Variants in GALK2 observed in about 807,000 individuals in gnomAD.
GALK2 encodes N-acetylgalactosamine kinase.
Under a neutral mutation model 52.4 loss-of-function variants are expected in GALK2, and 36 were observed. The observed-to-expected ratio is 0.69, with a 90% confidence interval of 0.53 to 0.91. The LOEUF (loss-of-function observed/expected upper bound fraction) is 0.91. GALK2 is among the 40% of genes least tolerant of loss of function. The probability of loss-of-function intolerance (pLI) is 0.00; values close to 1 mark genes in which losing one functional copy is unlikely to be tolerated. For synonymous variants in GALK2, 176 were observed against 199.1 expected, an observed-to-expected ratio of 0.88 and a Z score of 0.98; for missense variants, 579 against 559.1, an observed-to-expected ratio of 1.04 and a Z score of -0.36.
chr15:49,310,442 G>GT (rs1340871724), intron 8 of GALK2, among the ~76,000 whole-genome samples: 1 of 152,028 alleles, frequency 6.6e-6, no homozygotes, highest in Non-Finnish European at 1.5e-5. Context: ...TCTATTTTTA[G>GT]TTTTTTTAGA....
intron 1 of GALK2, among the ~76,000 whole-genome samples, chr15:49,173,030 C>G (rs1002465384): frequency 1.3e-5 from 2 of 152,194 alleles, no homozygotes; most frequent in Non-Finnish European, 2.9e-5. Flanking sequence ...ACCCAGCCAT[C>G]CCTTAGATTA....
At chr15:49,273,348 C>A (rs965675075) in intron 5 of GALK2, among the ~76,000 whole-genome samples, 1 of 151,820 alleles carries the variant, frequency 6.6e-6, no homozygotes, top group African/African-American at 2.4e-5. Context: ...CCTTTCTTTC[C>A]TGTATTATTT....
rs2030976934 is a variant in GALK2 at position 49,273,034 on chromosome 15, C to T, written c.505-8953C>T. 2.6e-5 allele frequency among the ~76,000 whole-genome samples: 4 copies of T among 152,178 alleles called. 1 individual carries two copies. The South Asian group carries it at 8.3e-4, about 32-fold the overall frequency. ...CCCATGTCCCAACTACTAGCTTTCTCCAGGTTCATTAGATCACGTTCTCTC... is the reference window on the plus strand; with the variant it reads ...CCCATGTCCCAACTACTAGCTTTCTTCAGGTTCATTAGATCACGTTCTCTC... On this transcript the variant is annotated intron_variant, in intron 5 of 9. Transcript: ENST00000560031.
At chr15:49,217,452 C>T (rs1221887764) in intron 3 of GALK2, 139 bp downstream of exon 3, 6 of 815,448 alleles carry the variant, frequency 7.4e-6, no homozygotes, top group Middle Eastern at 2.4e-4. Context: ...AATTCTAAGG[C>T]CATTATTTAT....
intron 6 of GALK2, among the ~76,000 whole-genome samples, 166 bp downstream of exon 6, chr15:49,282,251 C>G (rs2032807018): frequency 6.6e-6 from 1 of 152,204 alleles, no homozygotes; most frequent in African/African-American, 2.4e-5. Context: ...AGGCTGCCAC[C>G]AGTTAATCTA....
At chr15:49,213,350 T>A (rs78298181) in intron 2 of GALK2, among the ~76,000 whole-genome samples, 28,322 of 152,030 alleles carry the variant, frequency 0.19, 2,797 homozygotes, top group Non-Finnish European at 0.21. Context: ...TTTTCTTTTT[T>A]AAAAAATTTT....
intron 3 of GALK2, among the ~76,000 whole-genome samples, chr15:49,337,691 C>G (rs1231496181): frequency 6.6e-6 from 1 of 151,408 alleles, no homozygotes; most frequent in Non-Finnish European, 1.5e-5. Flanking sequence ...ACCCCCTCAA[C>G]AGGCCCCCTG....
At chr15:49,241,167 C>G (rs1388695844) in intron 5 of GALK2, among the ~76,000 whole-genome samples, 1 of 151,986 alleles carries the variant, frequency 6.6e-6, no homozygotes, top group East Asian at 1.9e-4. Flanking sequence ...TGTGGGCATA[C>G]TGATGGAGTT....
At chr15:49,317,113 A>G (rs1364973142) in intron 8 of GALK2, among the ~76,000 whole-genome samples, 1 of 151,924 alleles carries the variant, frequency 6.6e-6, no homozygotes, top group Admixed American at 6.5e-5. Context: ...TAGAATTATA[A>G]AATGTTAGGG....
chr15:49,159,789 C>T (rs1407343064), intron 1 of GALK2, among the ~76,000 whole-genome samples: 1 of 152,034 alleles, frequency 6.6e-6, no homozygotes, highest in Non-Finnish European at 1.5e-5. Context: ...TTCAAGCATA[C>T]ATAAAATTGA....
chr15:49,218,562 T>A (rs2089560522), intron 3 of GALK2, among the ~76,000 whole-genome samples: 1 of 152,106 alleles, frequency 6.6e-6, no homozygotes, highest in Non-Finnish European at 1.5e-5. Flanking sequence ...TATCAAGACA[T>A]ATAGTCCCTG....
At chr15:49,163,966 A>G (rs2084736202) in intron 1 of GALK2, among the ~76,000 whole-genome samples, 2 of 152,178 alleles carry the variant, frequency 1.3e-5, no homozygotes, top group South Asian at 4.1e-4. Flanking sequence ...GGGAGACTGA[A>G]CACTGTGTGT....
chr15:49,264,469 G>T (rs868566163), intron 5 of GALK2, among the ~76,000 whole-genome samples: 11 of 152,054 alleles, frequency 7.2e-5, no homozygotes, highest in Non-Finnish European at 1.0e-4. Flanking sequence ...TTATACATTC[G>T]TCTAAATTTT....
At chr15:49,339,027 TC>T (rs2040254095) in intron 3 of GALK2, among the ~76,000 whole-genome samples, 1 of 152,184 alleles carries the variant, frequency 6.6e-6, no homozygotes, top group African/African-American at 2.4e-5. Context: ...TAGCAATTCA[TC>T]TAACCTTTTT....
In GALK2 at chr15:49,328,797, G is replaced by A; in HGVS notation, c.*638G>A. 1 of 1,421,590 alleles carries A rather than the reference G, an allele frequency of 7.0e-7. No individual in the cohort carries two copies. Among genetic ancestry groups the A allele is most frequent in the Non-Finnish European group, 9.2e-7 (1 of 1,089,386 alleles). The allele number at this position is 1,421,590 out of a possible 1,614,324, so 88.1% of individuals were successfully genotyped here. On this transcript the variant is annotated 3_prime_UTR_variant, in exon 10 of 10. Transcript: ENST00000560031. Reference sequence around the variant, plus strand: ...GGATTTTTTTTTTTTTTTGACAAAAGGAGGATACAGGAAGAAAATTCAGAC... The same window carrying A: ...GGATTTTTTTTTTTTTTTGACAAAAAGAGGATACAGGAAGAAAATTCAGAC...
chr15:49,321,896 A>T (rs2036900376), intron 9 of GALK2, among the ~76,000 whole-genome samples: 1 of 152,204 alleles, frequency 6.6e-6, no homozygotes. Flanking sequence ...TTTGAACATT[A>T]AGCAAAGTCA....
At chr15:49,261,091 C>T (rs371468072) in intron 5 of GALK2, among the ~76,000 whole-genome samples, 1 of 150,226 alleles carries the variant, frequency 6.7e-6, no homozygotes, top group Non-Finnish European at 1.5e-5. Context: ...TAGTTTTTTC[C>T]AATTCTGTGA....
intron 5 of GALK2, among the ~76,000 whole-genome samples, chr15:49,243,877 G>GT (rs1432727462): frequency 5.3e-5 from 8 of 151,880 alleles, no homozygotes; most frequent in Non-Finnish European, 7.4e-5. Flanking sequence ...AATCTCAGCA[G>GT]TTTGGGAGGC....
At chr15:49,282,140 A>G in intron 6 of GALK2, 55 bp downstream of exon 6, 1 of 1,322,072 alleles carries the variant, frequency 7.6e-7, no homozygotes, top group Non-Finnish European at 1.1e-6. Flanking sequence ...GAAAATTTAC[A>G]TGGAGAAGAA....
Sources: gnomAD v4.1 joint callset for allele counts (sites outside exome capture counted in the v4.1 genomes callset) on GRCh38, gnomAD v4.1.1 for gene constraint, MANE v1.5 for transcripts, NCBI Gene and HGNC (gene_info 2026-07-23, HGNC 2026-07-21) for gene names.